Variants in GPATCH2 observed in about 807,000 individuals in gnomAD.
The protein encoded by GPATCH2 is G-patch domain containing 2.
In GPATCH2, 51 loss-of-function variants were observed where a neutral mutation model predicts 58.0. The observed-to-expected ratio is 0.88, with a 90% CI of 0.70 to 1.11. The LOEUF is 1.11. GPATCH2 is among the 50% of genes most tolerant of loss of function. The probability of loss-of-function intolerance (pLI) is 0.00; values close to 1 mark genes in which losing one functional copy is unlikely to be tolerated. For missense variants in GPATCH2, 625 were observed against 652.2 expected, an observed-to-expected ratio of 0.96 and a Z score of 0.45; for synonymous variants, 222 against 218.5, an observed-to-expected ratio of 1.02 and a Z score of -0.14.
intron 5 of GPATCH2, among the ~76,000 whole-genome samples, chr1:217,593,986 A>G (rs1312720295): frequency 6.6e-6 from 1 of 152,130 alleles, no homozygotes; most frequent in African/African-American, 2.4e-5. Flanking sequence ...CTTAAGGAGT[A>G]TGCAAATAAT....
At chr1:217,545,805 C>G (rs185821758) in intron 5 of GPATCH2, among the ~76,000 whole-genome samples, 1 of 152,036 alleles carries the variant, frequency 6.6e-6, no homozygotes, top group African/African-American at 2.4e-5. Flanking sequence ...AACTACAAAG[C>G]GTCAAATAAA....
chr1:217,546,693 C>T (rs1045162000), intron 5 of GPATCH2, among the ~76,000 whole-genome samples: 3 of 152,132 alleles, frequency 2.0e-5, no homozygotes, highest in Non-Finnish European at 4.4e-5. Context: ...TAGCCATGGG[C>T]AGACTTCATG....
At chr1:217,614,889 A>G (rs1365084382) in intron 2 of GPATCH2, among the ~76,000 whole-genome samples, 1 of 152,086 alleles carries the variant, frequency 6.6e-6, no homozygotes, top group Non-Finnish European at 1.5e-5. Context: ...CAGATATTTG[A>G]ATAACATAAA....
chr1:217,614,288 G>A, intron 2 of GPATCH2, 86 bp from the exon 3 acceptor site: 1 of 758,864 alleles, frequency 1.3e-6, no homozygotes, highest in African/African-American at 1.7e-5. Context: ...GCAGCTCAGA[G>A]ATGGAACTTA....
intron 5 of GPATCH2, among the ~76,000 whole-genome samples, chr1:217,583,132 A>C (rs1253888909): frequency 6.6e-6 from 1 of 152,236 alleles, no homozygotes; most frequent in East Asian, 1.9e-4. Flanking sequence ...GAAGATAAAA[A>C]GAGAATTAAA....
intron 1 of GPATCH2, 49 bp from the exon 2 acceptor site, chr1:217,620,548 G>C (rs1302188441): frequency 9.6e-7 from 1 of 1,044,410 alleles, no homozygotes; most frequent in African/African-American, 1.6e-5. Flanking sequence ...CTTAACCACA[G>C]TAACCTCATT....
chr1:217,534,312 C>T (rs1664358353), intron 5 of GPATCH2, among the ~76,000 whole-genome samples: 1 of 152,166 alleles, frequency 6.6e-6, no homozygotes, highest in African/African-American at 2.4e-5. Context: ...ATGCCACCCA[C>T]ATTTTGAAGA....
At chr1:217,491,528 C>T (rs1309558345) in intron 8 of GPATCH2, 152 bp downstream of exon 8, 5 of 386,826 alleles carry the variant, frequency 1.3e-5, no homozygotes, top group African/African-American at 6.3e-5. Context: ...ATTCATTGCT[C>T]GTAATCCTAA....
At chr1:217,447,278 G>A (rs910619998) in intron 9 of GPATCH2, among the ~76,000 whole-genome samples, 7 of 152,128 alleles carry the variant, frequency 4.6e-5, no homozygotes, top group African/African-American at 9.7e-5. Context: ...ATAGTAGTGC[G>A]TTTAAGTCAG....
At chr1:217,495,090 T>TA (rs1165009942) in intron 7 of GPATCH2, 3 of 658,410 alleles carry the variant, frequency 4.6e-6, no homozygotes, top group Non-Finnish European at 5.6e-6. Context: ...AGATGTATAT[T>TA]AAAAAATAAC....
At chr1:217,482,778 A>G (rs946586212) in intron 8 of GPATCH2, among the ~76,000 whole-genome samples, 3 of 152,216 alleles carry the variant, frequency 2.0e-5, no homozygotes, top group Non-Finnish European at 2.9e-5. Context: ...TCAAATCCTT[A>G]AAGTATACAA....
At chr1:217,560,541 A>G (rs1389076701) in intron 5 of GPATCH2, among the ~76,000 whole-genome samples, 3 of 152,248 alleles carry the variant, frequency 2.0e-5, no homozygotes, top group African/African-American at 7.2e-5. Flanking sequence ...TTTCTTGAAC[A>G]CATTTTGCCT....
chr1:217,478,255 C>T (rs1230550071), intron 8 of GPATCH2, among the ~76,000 whole-genome samples: 1 of 152,100 alleles, frequency 6.6e-6, no homozygotes, highest in Non-Finnish European at 1.5e-5. Context: ...CAGACAAACA[C>T]TTACAAGTAT....
chr1:217,478,631 A>G (rs1008795072), intron 8 of GPATCH2, among the ~76,000 whole-genome samples: 2 of 151,968 alleles, frequency 1.3e-5, no homozygotes, highest in Non-Finnish European at 2.9e-5. Context: ...CACCTACAGG[A>G]CCTAGCCTCA....
intron 5 of GPATCH2, among the ~76,000 whole-genome samples, chr1:217,596,308 A>T (rs1295995798): frequency 6.6e-6 from 1 of 152,230 alleles, no homozygotes; most frequent in Non-Finnish European, 1.5e-5. Context: ...TTAAAAAATT[A>T]ATTGGAAATA....
At chr1:217,496,349 G>A (rs1274775335) in intron 7 of GPATCH2, among the ~76,000 whole-genome samples, 3 of 152,188 alleles carry the variant, frequency 2.0e-5, no homozygotes, top group Non-Finnish European at 4.4e-5. Context: ...CACGTTTCCA[G>A]CTGAGCTCCA....
intron 6 of GPATCH2, among the ~76,000 whole-genome samples, chr1:217,508,787 G>A (rs959256270): frequency 2.0e-5 from 3 of 151,906 alleles, no homozygotes; most frequent in Non-Finnish European, 4.4e-5. Flanking sequence ...TTCTCTAGCT[G>A]GATTGAGGCT....
At chr1:217,501,257 G>A (rs1454638815) in intron 6 of GPATCH2, among the ~76,000 whole-genome samples, 2 of 152,092 alleles carry the variant, frequency 1.3e-5, no homozygotes, top group East Asian at 3.9e-4. Context: ...AGTCAGAGAA[G>A]TTGTTGCATG....
At chr1:217,557,437 G>A (rs1038502123) in intron 5 of GPATCH2, among the ~76,000 whole-genome samples, 2 of 148,238 alleles carry the variant, frequency 1.3e-5, no homozygotes, top group Admixed American at 6.8e-5. Flanking sequence ...AAAAAATTCC[G>A]TTCATTTTAA....
Sources: gnomAD v4.1 joint callset for allele counts (sites outside exome capture counted in the v4.1 genomes callset) on GRCh38, gnomAD v4.1.1 for gene constraint, MANE v1.5 for transcripts, NCBI Gene and HGNC (gene_info 2026-07-23, HGNC 2026-07-21) for gene names.